DENND2B: variants seen among roughly 807,000 people sequenced by gnomAD.
DENND2B encodes DENN domain containing 2B.
A neutral mutation model predicts 116.0 loss-of-function variants in DENND2B; 32 were observed. The observed-to-expected ratio is 0.28, with a 90% confidence interval of 0.21 to 0.37. The LOEUF is 0.37. Ranked by LOEUF, DENND2B falls within the 10% of genes least tolerant of loss-of-function variation. The pLI is 1.00. For synonymous variants in DENND2B, 588 were observed against 583.9 expected (o/e 1.01, Z -0.10); for missense variants, 1,276 against 1,477.7 (o/e 0.86, Z 2.24).
chr11:8,737,040 T>C (rs1565789013), intron 2 of DENND2B, among the ~76,000 whole-genome samples: 1 of 152,158 alleles, frequency 6.6e-6, no homozygotes, highest in Non-Finnish European at 1.5e-5. Context: ...ACGGATCTAC[T>C]TTGAGGGCTG....
chr11:8,732,587 C>T (rs2048299949), intron 2 of DENND2B, among the ~76,000 whole-genome samples: 1 of 152,112 alleles, frequency 6.6e-6, no homozygotes, highest in African/African-American at 2.4e-5. Flanking sequence ...TTCTTCTAGG[C>T]CCAGGGACAA....
chr11:8,894,857 C>T (rs9794991), intron 1 of DENND2B, among the ~76,000 whole-genome samples: 141,596 of 152,176 alleles, frequency 0.93, 66,702 homozygotes, highest in East Asian at 1. Flanking sequence ...CTCAAGGATC[C>T]AGAACTAGAA....
intron 17 of DENND2B, among the ~76,000 whole-genome samples, chr11:8,697,318 A>G (rs2133674520): frequency 6.6e-6 from 1 of 152,406 alleles, no homozygotes; most frequent in East Asian, 1.9e-4. Flanking sequence ...GTTTTCTGTC[A>G]GCAGAAAGTA....
chr11:8,827,338 T>C (rs560502169), intron 4 of DENND2B, among the ~76,000 whole-genome samples: 5 of 152,304 alleles, frequency 3.3e-5, no homozygotes, highest in African/African-American at 4.8e-5. Context: ...TACAAGGCCA[T>C]GGGACTCCAG....
chr11:8,699,664 G>C (rs999383821), intron 14 of DENND2B, among the ~76,000 whole-genome samples: 3 of 152,178 alleles, frequency 2.0e-5, no homozygotes, highest in Admixed American at 2.0e-4. Flanking sequence ...TCTGGAAAAG[G>C]GCTGTCTCGG....
At chr11:8,781,263 A>C (rs918219150) in intron 1 of DENND2B, among the ~76,000 whole-genome samples, 1 of 152,176 alleles carries the variant, frequency 6.6e-6, no homozygotes, top group African/African-American at 2.4e-5. Flanking sequence ...AAGGGCACCA[A>C]GAGTGAGCAG....
upstream of DENND2B, among the ~76,000 whole-genome samples, chr11:8,871,745 G>A (rs917556320): frequency 6.6e-6 from 1 of 152,134 alleles, no homozygotes; most frequent in African/African-American, 2.4e-5. Context: ...CCACTGGTTT[G>A]CAAAAACAAA....
intron 1 of DENND2B, among the ~76,000 whole-genome samples, chr11:8,892,899 A>G (rs2064051987): frequency 6.6e-6 from 1 of 152,226 alleles, no homozygotes; most frequent in Non-Finnish European, 1.5e-5. Flanking sequence ...CCATTTTATG[A>G]GGCCAGCATC....
intron 1 of DENND2B, among the ~76,000 whole-genome samples, chr11:8,789,632 G>C (rs1248237956): frequency 6.6e-6 from 1 of 152,078 alleles, no homozygotes; most frequent in Non-Finnish European, 1.5e-5. Flanking sequence ...AGAATACACA[G>C]GGCAGAGAGG....
chr11:8,732,368 C>T (rs576567329), intron 2 of DENND2B, among the ~76,000 whole-genome samples: 1 of 152,192 alleles, frequency 6.6e-6, no homozygotes, highest in Non-Finnish European at 1.5e-5. Flanking sequence ...ATATCTCATC[C>T]GAGGTCACTC....
chr11:8,797,526 T>G (rs1330714733), intron 1 of DENND2B, among the ~76,000 whole-genome samples: 1 of 130,314 alleles, frequency 7.7e-6, no homozygotes, highest in Non-Finnish European at 1.6e-5. Context: ...CTCTTCCCCC[T>G]TCCCCCTTTC....
intron 2 of DENND2B, among the ~76,000 whole-genome samples, chr11:8,870,039 A>C (rs755769723): frequency 2.0e-5 from 3 of 152,236 alleles, no homozygotes; most frequent in Non-Finnish European, 4.4e-5. Context: ...GGCCAGTTGC[A>C]GTGTGTGCAG....
In DENND2B at chr11:8,712,772, C is replaced by G; in HGVS notation, c.1988-37G>C. On this transcript the variant is annotated intron_variant, in intron 8 of 19. Transcript: ENST00000313726. This position sits in a 1 kb window ranked among gnomAD's most constrained non-coding sequence, Gnocchi z 4.4. ...TTGCACATCAGGGAATGGACCCTCA[C>G]AGGCCTCATGTTAACTCCTCTACCC... 6.3e-7 allele frequency: 1 copy of G among 1,583,140 alleles called. No homozygotes were observed. The highest frequency in any genetic ancestry group is 8.6e-7 in the Non-Finnish European group (1 of 1,165,520).
At chr11:8,808,419 G>C (rs922955764) in intron 1 of DENND2B, 1 of 152,196 alleles carries the variant, frequency 6.6e-6, no homozygotes, top group African/African-American at 2.4e-5. Context: ...CATGAGTCAG[G>C]TGACCAAGGA....
At chr11:8,694,402 G>A (rs751930601) in intron 19 of DENND2B, 16 of 493,540 alleles carry the variant, frequency 3.2e-5, no homozygotes, top group South Asian at 2.6e-4. Context: ...CTGATCTGGC[G>A]GGCTGAGCAC....
intron 2 of DENND2B, among the ~76,000 whole-genome samples, chr11:8,734,807 A>AG (rs2048714265): frequency 6.6e-6 from 1 of 151,560 alleles, no homozygotes; most frequent in South Asian, 2.1e-4. Flanking sequence ...AAAAAAAAAA[A>AG]AAAAGAAAGA....
intron 3 of DENND2B, among the ~76,000 whole-genome samples, chr11:8,853,498 A>G (rs927910942): frequency 1.3e-5 from 2 of 152,232 alleles, no homozygotes; most frequent in African/African-American, 4.8e-5. Flanking sequence ...TGGGCTTTCC[A>G]GGTTCCAGAA....
intron 2 of DENND2B, among the ~76,000 whole-genome samples, chr11:8,750,083 G>T (rs933689269): frequency 6.6e-6 from 1 of 152,230 alleles, no homozygotes; most frequent in Non-Finnish European, 1.5e-5. Flanking sequence ...TTTTATAGAT[G>T]AAATAATGAA....
At chr11:8,856,643 A>G (rs999887107) in intron 3 of DENND2B, among the ~76,000 whole-genome samples, 2 of 151,912 alleles carry the variant, frequency 1.3e-5, no homozygotes, top group Non-Finnish European at 2.9e-5. Context: ...CCCAACCACT[A>G]TATTGGGCAG....
Sources: gnomAD v4.1 joint callset for allele counts (sites outside exome capture counted in the v4.1 genomes callset) on GRCh38, gnomAD v4.1.1 for gene constraint, Gnocchi (gnomAD v3.1) non-coding constraint, MANE v1.5 for transcripts, NCBI Gene and HGNC (gene_info 2026-07-23, HGNC 2026-07-21) for gene names.